PHF3: variants seen among roughly 807,000 people sequenced by gnomAD.
PHF3 encodes PHD finger protein 3.
Under a neutral mutation model 178.4 loss-of-function variants are expected in PHF3, and 41 were observed. That is an observed-to-expected ratio of 0.23 (90% CI 0.18 to 0.30). The LOEUF (loss-of-function observed/expected upper bound fraction) is 0.30, where lower values mean the gene tolerates loss of function less well. PHF3 is among the 10% of genes least tolerant of loss of function. The probability of loss-of-function intolerance (pLI) is 1.00; values close to 1 mark genes in which losing one functional copy is unlikely to be tolerated. For synonymous variants in PHF3, 842 were observed against 800.5 expected (o/e 1.05, Z -0.88); for missense variants, 2,346 against 2,398.1 (o/e 0.98, Z 0.45).
rs773240497 is a variant in PHF3 at position 63,651,893 on chromosome 6, GGTTA to G, written c.244+5105_244+5108del. On this transcript the variant is annotated intron_variant, in intron 2 of 15. Transcript: ENST00000262043. ...TGGCAGAATTTTGTTCTTTTTTAAT[GGTTA>G]GTTAGTATTCCATTGTGTATATATA... Among the ~76,000 whole-genome samples, 14 of 152,042 alleles carry G rather than the reference GGTTA, an allele frequency of 9.2e-5. 1 individual carries two copies. Among genetic ancestry groups the G allele is most frequent in the South Asian group, 8.3e-4 (4 of 4,816 alleles).
chr6:63,720,362 C>T lies in PHF3; in HGVS notation c.*6654C>T, dbSNP rs1426059521. On this transcript the variant is annotated 3_prime_UTR_variant, in exon 16 of 16. Transcript: ENST00000262043. ...AATAAGCACATTCTGTGAATAAGCACTGAACTAATGGAGTTAAAACATGAA... is the reference window on the plus strand; with the variant it reads ...AATAAGCACATTCTGTGAATAAGCATTGAACTAATGGAGTTAAAACATGAA... 2 of 440,260 alleles carry T rather than the reference C, an allele frequency of 4.5e-6. No individual in the cohort carries two copies. Among genetic ancestry groups the T allele is most frequent in the African/African-American group, 4.1e-5 (2 of 48,952 alleles). 27.3% of individuals were successfully genotyped at this position (440,260 alleles called of 1,614,324 possible). A position where few individuals can be genotyped will look rare whatever the true frequency, so the allele number is the denominator to read the frequency against.
At chr6:63,699,940 A>G (rs1486180012) in intron 8 of PHF3, among the ~76,000 whole-genome samples, 2 of 152,132 alleles carry the variant, frequency 1.3e-5, no homozygotes, top group Non-Finnish European at 2.9e-5. Context: ...TTTGCTCTGC[A>G]GTTTCCTCCA....
Position 63,685,664 on chromosome 6 carries a change from G to C in PHF3, c.1942G>C (p.Glu648Gln). 6.2e-7 allele frequency: 1 copy of C among 1,614,048 alleles called. No homozygotes were observed. The highest frequency in any genetic ancestry group is 2.2e-5 in the East Asian group (1 of 44,882). The part of the protein sequence containing the change: ...KTNSHVKEEL[E>Q]HPGVEHFKEE... Reference sequence around the variant, plus strand: ...CAATAGTCACGTGAAGGAAGAGCTTGAACACCCAGGCGTTGAGCATTTTAA... The same window carrying C: ...CAATAGTCACGTGAAGGAAGAGCTTCAACACCCAGGCGTTGAGCATTTTAA... Residue 648 changes from glutamate (E) to glutamine (Q), a missense_variant, in exon 4 of 16, where the codon GAA becomes CAA. Physicochemically the swap from Glu to Gln is conservative, Grantham distance 29. Coordinates refer to ENST00000262043, the MANE Select transcript of PHF3 (RefSeq NM_001370348.2).
At chr6:63,689,769 T>C (rs140479401) in intron 4 of PHF3, among the ~76,000 whole-genome samples, 1 of 152,258 alleles carries the variant, frequency 6.6e-6, no homozygotes, top group Non-Finnish European at 1.5e-5. Context: ...AATGTGAAAA[T>C]TCCTTAATAT....
In PHF3 at chr6:63,723,788, C is replaced by CATTATTATTATT. The variant is rs57873412; in HGVS notation, c.*10117_*10128dup. Among the ~76,000 whole-genome samples the CATTATTATTATT allele has an allele frequency of 5.8e-5, 8 of 138,182 alleles. No homozygotes were observed. The highest frequency in any genetic ancestry group is 1.1e-4 in the African/African-American group (4 of 37,394). 90.7% of individuals were successfully genotyped at this position (138,182 alleles called of 152,430 possible). Reference sequence around the variant, plus strand: ...GTTATGGGTCATAAGTACACATTGGCATTATTATTATTATTATTATTATTA... The same window carrying CATTATTATTATT: ...GTTATGGGTCATAAGTACACATTGGCATTATTATTATTATTATTATTATTATTATTATTATTA... On this transcript the variant is annotated 3_prime_UTR_variant, in exon 16 of 16. Coordinates refer to ENST00000262043, the MANE Select transcript of PHF3 (RefSeq NM_001370348.2).
At chr6:63,703,784 C>A in intron 11 of PHF3, 113 bp downstream of exon 11, 1 of 947,170 alleles carries the variant, frequency 1.1e-6, no homozygotes, top group Non-Finnish European at 1.6e-6. Context: ...GGTGGTGAGG[C>A]ACTCACTCAC....
At chr6:63,674,806 G>A (rs898597909) in intron 2 of PHF3, among the ~76,000 whole-genome samples, 11 of 152,138 alleles carry the variant, frequency 7.2e-5, no homozygotes, top group African/African-American at 1.2e-4. Flanking sequence ...AATAACCGAC[G>A]TAGAAGTATA....
Position 63,692,005 on chromosome 6 carries a change from G to A in PHF3, c.2458G>A (p.Asp820Asn). The A allele has an allele frequency of 3.1e-6, 5 of 1,612,668 alleles. No individual in the cohort carries two copies. The highest frequency in any genetic ancestry group is 3.4e-6 in the Non-Finnish European group (4 of 1,179,544). ...AACAAATGATAGAACCAAATATATA[G>A]ATGATACAGTGAAGCACAAGGTCAA... ...HTTNDRTKYI[D>N]DTVKHKVKIL... Residue 820 changes from aspartate (D) to asparagine (N), a missense_variant, in exon 5 of 16, where the codon GAT (aspartate) becomes AAT (asparagine). Physicochemically the swap from Asp to Asn is conservative, Grantham distance 23 (BLOSUM62 1). Transcript: ENST00000262043.
intron 3 of PHF3, 57 bp downstream of exon 3, chr6:63,680,218 A>G: frequency 7.2e-7 from 1 of 1,397,346 alleles, no homozygotes; most frequent in African/African-American, 1.4e-5. Context: ...CAGATGTGTT[A>G]GGTTATAAAC....
At chr6:63,672,934 C>A (rs1765983411) in intron 2 of PHF3, among the ~76,000 whole-genome samples, 1 of 152,168 alleles carries the variant, frequency 6.6e-6, no homozygotes, top group Admixed American at 6.6e-5. Context: ...TTTCCCTTCC[C>A]TTTTTTGTCT....
chr6:63,660,179 C>T (rs939521064), intron 2 of PHF3, among the ~76,000 whole-genome samples: 2 of 151,898 alleles, frequency 1.3e-5, no homozygotes, highest in African/African-American at 4.8e-5. Context: ...AAAGACCAAG[C>T]AATTTAGACA....
chr6:63,686,033 CA>C (rs1427374297), intron 4 of PHF3, 122 bp downstream of exon 4: 40 of 634,438 alleles, frequency 6.3e-5, no homozygotes, highest in Non-Finnish European at 7.0e-5. Flanking sequence ...TGTGCAAAAA[CA>C]AAAAGCTTCA....
chr6:63,703,213 G>A (rs966892234), intron 10 of PHF3, among the ~76,000 whole-genome samples: 4 of 152,158 alleles, frequency 2.6e-5, no homozygotes, highest in African/African-American at 9.7e-5. Flanking sequence ...TTAGAAATTT[G>A]TAAGTGTTTC....
At chr6:63,691,600 C>T (rs1767000726) in intron 4 of PHF3, 137 bp from the exon 5 acceptor site, 1 of 709,590 alleles carries the variant, frequency 1.4e-6, no homozygotes. Context: ...GTATGTTGAA[C>T]TTATGGAACG....
Position 63,721,626 on chromosome 6 carries a change from A to T in PHF3, c.*7918A>T. 1.3e-6 allele frequency: 2 copies of T among 1,551,294 alleles called. No homozygotes were observed. Among genetic ancestry groups the T allele is most frequent in the Non-Finnish European group, 1.7e-6 (2 of 1,146,622 alleles). ...AGTGGAGGCCTTTTCTGTTACATTT[A>T]TCCCATCTAGATCCAGGTAGCCTTC... On this transcript the variant is annotated 3_prime_UTR_variant, in exon 16 of 16. Coordinates refer to ENST00000262043, the MANE Select transcript of PHF3 (RefSeq NM_001370348.2).
intron 3 of PHF3, among the ~76,000 whole-genome samples, chr6:63,682,925 G>C (rs921432727): frequency 4.6e-5 from 7 of 151,994 alleles, no homozygotes; most frequent in African/African-American, 1.7e-4. Flanking sequence ...GAATAGAGCT[G>C]TAAATTACTA....
intron 2 of PHF3, among the ~76,000 whole-genome samples, chr6:63,658,085 G>A (rs75792764): frequency 2.6e-4 from 39 of 152,230 alleles, no homozygotes; most frequent in African/African-American, 8.2e-4. Flanking sequence ...TCAAGTAGGG[G>A]AAGAGATGAG....
At position 63,722,461 on chromosome 6, in the gene PHF3, T is replaced by C. The variant is rs1261172217; in HGVS notation, c.*8753T>C. On this transcript the variant is annotated 3_prime_UTR_variant, in exon 16 of 16. Transcript: ENST00000262043. ...CTCCATTACAGTATATCTCATTTTA[T>C]AATTATATAGTCGTGTGAAGAAATA... Among the ~76,000 whole-genome samples the C allele has an allele frequency of 6.6e-6, 1 of 152,186 alleles. No homozygotes were observed.
At chr6:63,665,712 C>T (rs1765656388) in intron 2 of PHF3, among the ~76,000 whole-genome samples, 2 of 152,042 alleles carry the variant, frequency 1.3e-5, no homozygotes, top group Admixed American at 1.3e-4. Context: ...TAGTTTCGAA[C>T]TCCTAACCTC....
Sources: gnomAD v4.1 joint callset for allele counts (sites outside exome capture counted in the v4.1 genomes callset) on GRCh38, gnomAD v4.1.1 for gene constraint, MANE v1.5 for transcripts, NCBI Gene and HGNC (gene_info 2026-07-23, HGNC 2026-07-21) for gene names.